Variants in NR3C2 observed in about 807,000 individuals in gnomAD.
NR3C2 encodes mineralocorticoid receptor.
In NR3C2, 15 loss-of-function variants were observed where a neutral mutation model predicts 86.4. The ratio of observed to expected loss-of-function variants is 0.17; its 90% CI spans 0.12 to 0.27. The LOEUF (loss-of-function observed/expected upper bound fraction) is 0.27, where lower values mean the gene tolerates loss of function less well. Ranked by LOEUF, NR3C2 falls within the 10% of genes least tolerant of loss-of-function variation. The pLI is 1.00. For missense variants in NR3C2, 960 were observed against 1,195.6 expected (o/e 0.80, Z 2.91); for synonymous variants, 458 against 450.5 (o/e 1.02, Z -0.21).
intron 2 of NR3C2, among the ~76,000 whole-genome samples, chr4:148,291,182 T>C (rs1171774351): frequency 6.6e-6 from 1 of 152,122 alleles, no homozygotes; most frequent in Non-Finnish European, 1.5e-5. Context: ...TTTCTTTCCA[T>C]TTGGATTTCA....
intron 3 of NR3C2, among the ~76,000 whole-genome samples, chr4:148,246,413 G>A (rs1452313910): frequency 2.0e-5 from 3 of 151,960 alleles, no homozygotes; most frequent in Non-Finnish European, 2.9e-5. Flanking sequence ...ACAGAGTTGA[G>A]GATTTTAAAA....
In NR3C2 at chr4:148,144,753, T is replaced by G. The variant is rs570918412; in HGVS notation, c.2510+7716A>C. On this transcript the variant is annotated intron_variant, in intron 6 of 8. Coordinates refer to ENST00000358102, the MANE Select transcript of NR3C2 (RefSeq NM_000901.5). ...GCCTCCTTCAGGTGGGAAGATGGCC[T>G]CTAAACACTACTTTTGTAGTATAAA... Among the ~76,000 whole-genome samples, 79 of 152,326 alleles carry G rather than the reference T, an allele frequency of 5.2e-4. 1 individual carries two copies. The South Asian group carries it at 8.9e-3, about 17-fold the overall frequency.
At chr4:148,264,981 C>T (rs971422052) in intron 2 of NR3C2, among the ~76,000 whole-genome samples, 2 of 152,120 alleles carry the variant, frequency 1.3e-5, no homozygotes. Context: ...CCCTCCAAAC[C>T]ATTTTAATAT....
At chr4:148,403,243 C>A (rs927386575) in intron 2 of NR3C2, among the ~76,000 whole-genome samples, 1 of 152,016 alleles carries the variant, frequency 6.6e-6, no homozygotes, top group Non-Finnish European at 1.5e-5. Context: ...TAAATTACTA[C>A]TTGAGATCCA....
chr4:148,174,622 G>A (rs571582367), intron 4 of NR3C2, among the ~76,000 whole-genome samples: 16 of 152,310 alleles, frequency 1.1e-4, no homozygotes, highest in Non-Finnish European at 1.9e-4. Flanking sequence ...TTTGCTCTGC[G>A]TCTCCCCAGG....
At chr4:148,334,269 G>A (rs917815559) in intron 2 of NR3C2, among the ~76,000 whole-genome samples, 11 of 152,208 alleles carry the variant, frequency 7.2e-5, no homozygotes, top group African/African-American at 1.4e-4. Context: ...TGGACCAGGC[G>A]CGGTGGCTCA....
intron 3 of NR3C2, among the ~76,000 whole-genome samples, chr4:148,234,059 C>G (rs1000574891): frequency 1.3e-5 from 2 of 152,102 alleles, no homozygotes; most frequent in Non-Finnish European, 2.9e-5. Context: ...ATCTAAAGAT[C>G]ATTGAAATAA....
intron 6 of NR3C2, among the ~76,000 whole-genome samples, chr4:148,122,744 C>G (rs751171576): frequency 2.6e-5 from 4 of 152,190 alleles, no homozygotes; most frequent in Non-Finnish European, 2.9e-5. Flanking sequence ...CCAAACACTA[C>G]TTTTATAATT....
chr4:148,323,565 G>A (rs1029037512), intron 2 of NR3C2, among the ~76,000 whole-genome samples: 19 of 151,954 alleles, frequency 1.3e-4, no homozygotes, highest in African/African-American at 3.6e-4. Flanking sequence ...AGCCAGGTGC[G>A]GGACATAATC....
At chr4:148,286,167 C>T (rs1741510126) in intron 2 of NR3C2, among the ~76,000 whole-genome samples, 1 of 152,180 alleles carries the variant, frequency 6.6e-6, no homozygotes, top group African/African-American at 2.4e-5. Flanking sequence ...GTTATATAAA[C>T]TTCTCTGGCA....
At chr4:148,207,387 G>A (rs767998718) in intron 3 of NR3C2, among the ~76,000 whole-genome samples, 4 of 152,090 alleles carry the variant, frequency 2.6e-5, no homozygotes, top group Admixed American at 2.0e-4. Context: ...CTGAATCTTC[G>A]CATGCATGAA....
At chr4:148,421,545 T>C (rs1436236549) in intron 2 of NR3C2, among the ~76,000 whole-genome samples, 3 of 152,230 alleles carry the variant, frequency 2.0e-5, no homozygotes, top group East Asian at 1.9e-4. Context: ...TTTATCATTC[T>C]TCATGGATTC....
At chr4:148,179,427 G>T (rs1414445530) in intron 4 of NR3C2, among the ~76,000 whole-genome samples, 3 of 151,710 alleles carry the variant, frequency 2.0e-5, no homozygotes, top group African/African-American at 7.2e-5. Context: ...AAGCAACAGA[G>T]GGTATCTGTA....
At chr4:148,263,971 G>A (rs983604767) in intron 2 of NR3C2, among the ~76,000 whole-genome samples, 2 of 152,138 alleles carry the variant, frequency 1.3e-5, no homozygotes, top group African/African-American at 2.4e-5. Flanking sequence ...TGTTCCCAAC[G>A]CCTTTAGCCC....
At chr4:148,294,118 G>A (rs749601653) in intron 2 of NR3C2, among the ~76,000 whole-genome samples, 2 of 152,100 alleles carry the variant, frequency 1.3e-5, no homozygotes, top group Non-Finnish European at 2.9e-5. Flanking sequence ...CTATCTCCAT[G>A]GGCAAAAGGA....
At position 148,319,592 on chromosome 4, in the gene NR3C2, C is replaced by T. The variant is rs371595578; in HGVS notation, c.1758-59475G>A. Among the ~76,000 whole-genome samples the T allele has an allele frequency of 6.8e-3, 1,009 of 148,854 alleles. 7 individuals carry two copies. The highest frequency in any genetic ancestry group is 0.014 in the Middle Eastern group (4 of 290). On this transcript the variant is annotated intron_variant, in intron 2 of 8. Coordinates refer to ENST00000358102, the MANE Select transcript of NR3C2 (RefSeq NM_000901.5). ...TAGTTCTCCTTGAAGAGGTCCTTCA[C>T]GTCCCTTGTAAGTTGGATTCCTAGG...
chr4:148,340,358 A>C (rs1744692085), intron 2 of NR3C2, among the ~76,000 whole-genome samples: 1 of 152,090 alleles, frequency 6.6e-6, no homozygotes. Context: ...CTTTTGGACA[A>C]AGGTGCCTGG....
chr4:148,194,354 C>T lies in NR3C2; in HGVS notation c.2014+392G>A, dbSNP rs559855880. Among the ~76,000 whole-genome samples, 78 of 152,302 alleles carry T rather than the reference C, an allele frequency of 5.1e-4. No homozygotes were observed. The South Asian group carries it at 0.016, about 31-fold the overall frequency. On this transcript the variant is annotated intron_variant, in intron 4 of 8. Transcript: ENST00000358102. ...TATATATCTTTCTTTATTACACATA[C>T]TTCTAAAGTTAGGTATGTACTCTAT...
At chr4:148,130,799 G>T (rs201343424) in intron 6 of NR3C2, among the ~76,000 whole-genome samples, 82 of 61,330 alleles carry the variant, frequency 1.3e-3, no homozygotes, top group East Asian at 5.7e-3. Flanking sequence ...TTTTTTTTTT[G>T]TTTTGTTTTG....
Sources: allele counts gnomAD v4.1 joint callset (sites outside exome capture counted in the v4.1 genomes callset), GRCh38; gene constraint gnomAD v4.1.1; transcripts MANE v1.5; gene names NCBI Gene and HGNC (gene_info 2026-07-23, HGNC 2026-07-21).